Variants in TSC22D1 observed in about 807,000 individuals in gnomAD.
TSC22D1 encodes the protein TSC22 domain family protein 1.
Under a neutral mutation model 74.2 loss-of-function variants are expected in TSC22D1, and 9 were observed. The ratio of observed to expected loss-of-function variants is 0.12; its 90% CI spans 0.07 to 0.21. The LOEUF is 0.21. Among genes scored for constraint, TSC22D1 ranks in the 10% least tolerant of loss-of-function variants. The pLI, the probability that TSC22D1 is intolerant of heterozygous loss-of-function variation, is 1.00. For missense variants in TSC22D1, 1,427 were observed against 1,304.7 expected (o/e 1.09, Z -1.44); for synonymous variants, 586 against 492.5 (o/e 1.19, Z -2.51).
intron 1 of TSC22D1, among the ~76,000 whole-genome samples, chr13:44,487,497 TC>T (rs1426341241): frequency 8.1e-5 from 1 of 12,374 alleles, no homozygotes; most frequent in Non-Finnish European, 1.3e-4. Context: ...AGACTCCATC[TC>T]AAAAAAAAAA....
chr13:44,455,791 T>A lies in TSC22D1; in HGVS notation c.2913-19696A>T, dbSNP rs1398727896. ...ATGGTGCACCGAACACACTCATTTATCTTTATTTCTACCTCACACCACTAA... is the reference window on the plus strand; with the variant it reads ...ATGGTGCACCGAACACACTCATTTAACTTTATTTCTACCTCACACCACTAA... On this transcript the variant is annotated intron_variant, in intron 1 of 2. Coordinates refer to ENST00000458659, the MANE Select transcript of TSC22D1 (RefSeq NM_183422.4). Among the ~76,000 whole-genome samples, 5 of 152,248 alleles carry A rather than the reference T, an allele frequency of 3.3e-5. No individual in the cohort carries two copies. In the East Asian group the frequency reaches 9.6e-4, roughly 29 times the overall value.
At chr13:44,443,605 T>G (rs1875380906) in intron 1 of TSC22D1, among the ~76,000 whole-genome samples, 1 of 152,178 alleles carries the variant, frequency 6.6e-6, no homozygotes, top group Non-Finnish European at 1.5e-5. Flanking sequence ...TCCCAGCTTC[T>G]CAAAAGGCTG....
chr13:44,488,030 C>T (rs1878526314), intron 1 of TSC22D1, among the ~76,000 whole-genome samples: 1 of 151,148 alleles, frequency 6.6e-6, no homozygotes, highest in Admixed American at 6.6e-5. Flanking sequence ...TGCACTCCAG[C>T]CTGGGCAACA....
intron 1 of TSC22D1, among the ~76,000 whole-genome samples, chr13:44,517,858 T>TATA (rs1555269398): frequency 7.0e-4 from 10 of 14,334 alleles, no homozygotes; most frequent in Non-Finnish European, 1.2e-3. Context: ...TATATATATA[T>TATA]TTTTTTTTTT....
At position 44,554,281 on chromosome 13, in the gene TSC22D1, A is replaced by G. The variant is rs182499436; in HGVS notation, c.2912+18882T>C. On this transcript the variant is annotated intron_variant, in intron 1 of 2. Coordinates refer to ENST00000458659, the MANE Select transcript of TSC22D1 (RefSeq NM_183422.4). ...ATACAATGAAGAGGTAGCAGAAATA[A>G]GATGAGATGCCAGGGCTGATGCCAA... is the stretch of plus-strand genomic sequence containing the variant. 1.6e-3 allele frequency among the ~76,000 whole-genome samples: 238 copies of G among 152,344 alleles called. 1 individual carries two copies. The highest frequency in any genetic ancestry group is 5.5e-3 in the African/African-American group (230 of 41,578).
chr13:44,548,947 G>GT (rs751935870), intron 1 of TSC22D1, among the ~76,000 whole-genome samples: 3 of 152,036 alleles, frequency 2.0e-5, no homozygotes, highest in Non-Finnish European at 2.9e-5. Context: ...TATAGCAACA[G>GT]TTTAAGTCAC....
intron 1 of TSC22D1, among the ~76,000 whole-genome samples, chr13:44,449,704 G>GTGGGGCTGAC (rs1875969776): frequency 6.6e-6 from 1 of 152,138 alleles, no homozygotes; most frequent in African/African-American, 2.4e-5. Context: ...AAAGTGCTGA[G>GTGGGGCTGAC]TGGGGCCAAT....
At chr13:44,512,914 C>A (rs1401790069) in intron 1 of TSC22D1, among the ~76,000 whole-genome samples, 1 of 152,218 alleles carries the variant, frequency 6.6e-6, no homozygotes, top group Non-Finnish European at 1.5e-5. Flanking sequence ...TCCCAAAGTG[C>A]TGGGATTACA....
At chr13:44,436,599 C>A in intron 1 of TSC22D1, 3 of 1,614,162 alleles carry the variant, frequency 1.9e-6, no homozygotes, top group Non-Finnish European at 2.5e-6. Flanking sequence ...CTAGATCCAT[C>A]GCCACTGGTC....
At chr13:44,548,613 T>C (rs183373830) in intron 1 of TSC22D1, among the ~76,000 whole-genome samples, 232 of 152,300 alleles carry the variant, frequency 1.5e-3, no homozygotes, top group African/African-American at 4.7e-3. Context: ...TGTAAAAATA[T>C]GGAGTTTTAC....
chr13:44,466,775 G>T, intron 1 of TSC22D1, among the ~76,000 whole-genome samples: 1 of 144,904 alleles, frequency 6.9e-6, no homozygotes, highest in East Asian at 2.0e-4. Context: ...GTCTCAAAAA[G>T]AAAAAAAAAA....
At chr13:44,448,517 G>A (rs1875866328) in intron 1 of TSC22D1, among the ~76,000 whole-genome samples, 1 of 152,172 alleles carries the variant, frequency 6.6e-6, no homozygotes, top group South Asian at 2.1e-4. Context: ...AATGTCTAAT[G>A]TAGTACAGGC....
intron 1 of TSC22D1, chr13:44,538,481 C>T: frequency 2.0e-6 from 2 of 985,326 alleles, no homozygotes; most frequent in Non-Finnish European, 2.4e-6. Context: ...AAATGTTTGC[C>T]TACTTCATTA....
intron 1 of TSC22D1, among the ~76,000 whole-genome samples, chr13:44,515,513 C>G (rs1288392321): frequency 2.0e-5 from 3 of 151,600 alleles, no homozygotes; most frequent in Non-Finnish European, 2.9e-5. Flanking sequence ...TCTCGGTTCT[C>G]TGCAGCCTCC....
At chr13:44,471,955 A>G (rs1048080461) in intron 1 of TSC22D1, among the ~76,000 whole-genome samples, 21 of 152,216 alleles carry the variant, frequency 1.4e-4, no homozygotes, top group African/African-American at 5.1e-4. Context: ...CTTGCCCATT[A>G]GTCACCCAGT....
chr13:44,460,074 G>C (rs1011677150), intron 1 of TSC22D1, among the ~76,000 whole-genome samples: 1 of 152,316 alleles, frequency 6.6e-6, no homozygotes, highest in Admixed American at 6.5e-5. Context: ...CTGAAAAAGC[G>C]ACACCCCAAG....
At chr13:44,481,712 T>C (rs868331246) in intron 1 of TSC22D1, among the ~76,000 whole-genome samples, 1 of 152,286 alleles carries the variant, frequency 6.6e-6, no homozygotes, top group African/African-American at 2.4e-5. Flanking sequence ...GCAGATAACA[T>C]GAAATCAACA....
At chr13:44,484,712 A>G (rs1878345801) in intron 1 of TSC22D1, among the ~76,000 whole-genome samples, 1 of 152,228 alleles carries the variant, frequency 6.6e-6, no homozygotes, top group Non-Finnish European at 1.5e-5. Flanking sequence ...GTACATATGC[A>G]GCACCACAGA....
chr13:44,520,973 G>A (rs1016118032), intron 1 of TSC22D1, among the ~76,000 whole-genome samples: 2 of 152,140 alleles, frequency 1.3e-5, no homozygotes, highest in African/African-American at 4.8e-5. Flanking sequence ...CAGGAGGTAG[G>A]TGTGTTTATT....
Sources: allele counts gnomAD v4.1 joint callset (sites outside exome capture counted in the v4.1 genomes callset), GRCh38; gene constraint gnomAD v4.1.1; transcripts MANE v1.5; gene names NCBI Gene and HGNC (gene_info 2026-07-23, HGNC 2026-07-21).